The following PRKG1 variants were observed in gnomAD, a reference collection of about 807,000 sequenced individuals.
The protein encoded by PRKG1 is cGMP-dependent protein kinase 1.
A neutral mutation model predicts 88.1 loss-of-function variants in PRKG1; 35 were observed. That is an observed-to-expected ratio of 0.40 (90% CI 0.30 to 0.53). PRKG1 has a LOEUF of 0.53. PRKG1 is among the 20% of genes least tolerant of loss of function. The pLI is 0.59. For missense variants in PRKG1, 540 were observed against 839.8 expected, an observed-to-expected ratio of 0.64 and a Z score of 4.41; for synonymous variants, 303 against 292.5, an observed-to-expected ratio of 1.04 and a Z score of -0.37.
intron 4 of PRKG1, 40 bp from the exon 5 acceptor site, chr10:51,907,467 G>A: frequency 6.7e-7 from 1 of 1,488,788 alleles, no homozygotes; most frequent in Non-Finnish European, 9.2e-7. Context: ...AAAGTAAGTT[G>A]TGGTTCATGT....
At chr10:51,718,347 T>C (rs1440905448) in intron 3 of PRKG1, among the ~76,000 whole-genome samples, 1 of 151,984 alleles carries the variant, frequency 6.6e-6, no homozygotes, top group Non-Finnish European at 1.5e-5. Context: ...TCCAACAAGC[T>C]CAAGTGAAGA....
chr10:51,164,350 A>T (rs946905556), intron 2 of PRKG1, among the ~76,000 whole-genome samples: 3 of 152,226 alleles, frequency 2.0e-5, no homozygotes, highest in Admixed American at 2.0e-4. Flanking sequence ...GTCTGTTAGA[A>T]GGCAAACTAA....
chr10:51,996,199 C>T (rs1204714060), intron 5 of PRKG1, among the ~76,000 whole-genome samples: 1 of 151,162 alleles, frequency 6.6e-6, no homozygotes, highest in African/African-American at 2.4e-5. Flanking sequence ...CCTGTAGTCC[C>T]AGCTACTCAG....
intron 2 of PRKG1, among the ~76,000 whole-genome samples, chr10:51,267,015 G>A (rs1561039): frequency 0.16 from 24,625 of 152,102 alleles, 2,158 homozygotes; most frequent in Non-Finnish European, 0.2. Flanking sequence ...TGGAAGGGGT[G>A]TTGAAGAATC....
intron 2 of PRKG1, among the ~76,000 whole-genome samples, chr10:51,207,656 C>T (rs1342505765): frequency 6.6e-6 from 1 of 152,126 alleles, no homozygotes; most frequent in African/African-American, 2.4e-5. Context: ...CCCCCATTTC[C>T]TCTACTTGTG....
chr10:51,833,338 A>G (rs780954499), intron 4 of PRKG1, among the ~76,000 whole-genome samples: 21 of 152,206 alleles, frequency 1.4e-4, no homozygotes, highest in African/African-American at 3.9e-4. Flanking sequence ...GTCATTGAGC[A>G]TATAGTAATC....
intron 3 of PRKG1, among the ~76,000 whole-genome samples, chr10:51,776,007 TGGTA>T: frequency 6.6e-6 from 1 of 152,330 alleles, no homozygotes; most frequent in East Asian, 1.9e-4. Context: ...TACATCATTA[TGGTA>T]TGACCTTCAG....
At chr10:52,145,353 G>A (rs969636849) in intron 8 of PRKG1, among the ~76,000 whole-genome samples, 9 of 151,846 alleles carry the variant, frequency 5.9e-5, no homozygotes, top group Non-Finnish European at 7.4e-5. Context: ...CAATGTCTTC[G>A]GAACTCATAA....
chr10:51,935,019 G>T (rs757475047), intron 5 of PRKG1, among the ~76,000 whole-genome samples: 2 of 152,078 alleles, frequency 1.3e-5, no homozygotes, highest in African/African-American at 2.4e-5. Context: ...GATGGTTCCG[G>T]CAATGGGAAC....
intron 2 of PRKG1, among the ~76,000 whole-genome samples, chr10:51,342,217 A>G (rs975010958): frequency 2.0e-5 from 3 of 152,174 alleles, no homozygotes; most frequent in Non-Finnish European, 4.4e-5. Flanking sequence ...TATTTGTAGG[A>G]TAAGTAATAG....
intron 2 of PRKG1, among the ~76,000 whole-genome samples, chr10:51,328,227 T>C (rs1841642418): frequency 6.6e-6 from 1 of 152,214 alleles, no homozygotes; most frequent in Non-Finnish European, 1.5e-5. Context: ...GATCATGCAA[T>C]AAATTTCTTT....
intron 2 of PRKG1, among the ~76,000 whole-genome samples, chr10:51,365,883 C>T (rs549924850): frequency 3.7e-4 from 55 of 150,256 alleles, no homozygotes; most frequent in African/African-American, 1.2e-3. Flanking sequence ...TAGCTTTGTA[C>T]TAAATCTTTT....
intron 1 of PRKG1, among the ~76,000 whole-genome samples, chr10:51,033,068 C>G (rs1843306466): frequency 6.6e-6 from 1 of 152,070 alleles, no homozygotes; most frequent in Non-Finnish European, 1.5e-5. Flanking sequence ...ACTTCCATGA[C>G]TTTCTGTATT....
chr10:51,691,308 CT>C (rs750337206), intron 3 of PRKG1, among the ~76,000 whole-genome samples: 2,026 of 134,860 alleles, frequency 0.015, 15 homozygotes, highest in African/African-American at 0.024. Flanking sequence ...TTCTTTTTAT[CT>C]TTTTTTTTTT....
chr10:51,975,606 G>C (rs1041411800), intron 5 of PRKG1, among the ~76,000 whole-genome samples: 2 of 152,054 alleles, frequency 1.3e-5, no homozygotes, highest in African/African-American at 4.8e-5. Flanking sequence ...ATATTTATAA[G>C]TATGTTGTTT....
chr10:51,631,399 G>A (rs186907470), intron 3 of PRKG1, among the ~76,000 whole-genome samples: 1 of 152,322 alleles, frequency 6.6e-6, no homozygotes, highest in Non-Finnish European at 1.5e-5. Context: ...ACTAAAATTA[G>A]TGTCGGATTC....
chr10:51,398,950 T>TAGATCTTCAGTTCCTC (rs1444794647), intron 2 of PRKG1, among the ~76,000 whole-genome samples: 69 of 152,298 alleles, frequency 4.5e-4, no homozygotes, highest in South Asian at 6.2e-4. Context: ...GACTAAACCT[T>TAGATCTTCAGTTCCTC]AGATCTTCAG....
At chr10:51,249,418 T>C (rs980219602) in intron 2 of PRKG1, among the ~76,000 whole-genome samples, 2 of 151,964 alleles carry the variant, frequency 1.3e-5, no homozygotes, top group South Asian at 2.1e-4. Context: ...ATGTAGAAAA[T>C]ATAAATCTGG....
intron 1 of PRKG1, among the ~76,000 whole-genome samples, chr10:51,003,254 C>T (rs540867482): frequency 1.3e-5 from 2 of 152,254 alleles, no homozygotes; most frequent in African/African-American, 4.8e-5. Flanking sequence ...AAGCAATAGA[C>T]AGTAATATCT....
Sources: allele counts gnomAD v4.1 joint callset (sites outside exome capture counted in the v4.1 genomes callset), GRCh38; gene constraint gnomAD v4.1.1; transcripts MANE v1.5; gene names NCBI Gene and HGNC (gene_info 2026-07-23, HGNC 2026-07-21).